RANBP2: variants seen among roughly 807,000 people sequenced by gnomAD.
RANBP2 encodes E3 SUMO-protein ligase RanBP2.
A neutral mutation model predicts 303.6 loss-of-function variants in RANBP2; 57 were observed. The observed-to-expected ratio is 0.19, with a 90% CI of 0.15 to 0.23. The LOEUF (loss-of-function observed/expected upper bound fraction) is 0.23. Ranked by LOEUF, RANBP2 falls within the 10% of genes least tolerant of loss-of-function variation. The pLI, the probability that RANBP2 is intolerant of heterozygous loss-of-function variation, is 1.00. For synonymous variants in RANBP2, 1,167 were observed against 1,301.5 expected (o/e 0.90, Z 2.23); for missense variants, 3,138 against 3,780.8 (o/e 0.83, Z 4.46).
chr2:109,508,791 T>G, the RANBP2 span, among the ~76,000 whole-genome samples: 1 of 152,024 alleles, frequency 6.6e-6, no homozygotes, highest in Admixed American at 6.5e-5. Context: ...GCACCCCAGA[T>G]AAGGCATGAA....
intron 6 of RANBP2, among the ~76,000 whole-genome samples, chr2:108,738,398 A>G (rs1410113891): frequency 1.3e-5 from 2 of 151,596 alleles, no homozygotes; most frequent in African/African-American, 4.9e-5. Flanking sequence ...TGACCTCTTG[A>G]TCCGTCTACC....
the RANBP2 span, among the ~76,000 whole-genome samples, chr2:109,085,784 T>TA: frequency 6.6e-6 from 1 of 151,924 alleles, no homozygotes; most frequent in Non-Finnish European, 1.5e-5. Flanking sequence ...TATTTTTTTT[T>TA]AGTAGAGACA....
intron 25 of RANBP2, among the ~76,000 whole-genome samples, chr2:108,778,413 C>T (rs1678026464): frequency 6.6e-6 from 1 of 152,144 alleles, no homozygotes; most frequent in African/African-American, 2.4e-5. Flanking sequence ...TTGTTTGTAT[C>T]CACAGGTTTT....
chr2:108,840,457 G>A, the RANBP2 span, among the ~76,000 whole-genome samples: 2 of 152,124 alleles, frequency 1.3e-5, no homozygotes, highest in Admixed American at 6.6e-5. Context: ...CTATGTGGAT[G>A]AGATTTCTTT....
chr2:108,894,677 G>C, the RANBP2 span: 1 of 152,478 alleles, frequency 6.6e-6, no homozygotes, highest in Non-Finnish European at 1.5e-5. Flanking sequence ...TGGTCAGTGA[G>C]AATTATTATG....
chr2:109,211,900 C>T, the RANBP2 span, among the ~76,000 whole-genome samples: 1 of 152,212 alleles, frequency 6.6e-6, no homozygotes, highest in Non-Finnish European at 1.5e-5. Context: ...TCCTCGGCCT[C>T]CCAAAGTGCT....
chr2:109,027,259 A>AAC, the RANBP2 span, among the ~76,000 whole-genome samples: 1 of 151,302 alleles, frequency 6.6e-6, no homozygotes, highest in African/African-American at 2.4e-5. Context: ...AAAAAAAAAA[A>AAC]AAAAACAAGG....
At chr2:109,372,435 C>T in the RANBP2 span, among the ~76,000 whole-genome samples, 2 of 152,216 alleles carry the variant, frequency 1.3e-5, no homozygotes, top group South Asian at 4.1e-4. Context: ...TGCTTTCATG[C>T]TGTAACCACC....
chr2:108,919,264 C>T, the RANBP2 span, among the ~76,000 whole-genome samples: 3 of 152,238 alleles, frequency 2.0e-5, no homozygotes, highest in African/African-American at 7.2e-5. Context: ...AAAGGCCAGC[C>T]TGCTCTGGAT....
chr2:108,925,231 TTGTC>T, the RANBP2 span, among the ~76,000 whole-genome samples: 3 of 152,222 alleles, frequency 2.0e-5, no homozygotes, highest in African/African-American at 7.2e-5. Context: ...GGAAGGATGA[TTGTC>T]TGTAAACATT....
the RANBP2 span, among the ~76,000 whole-genome samples, chr2:109,473,728 C>T: frequency 6.7e-6 from 1 of 149,316 alleles, no homozygotes; most frequent in Admixed American, 6.7e-5. Flanking sequence ...CCCACCCACC[C>T]CACCCACTCC....
the RANBP2 span, among the ~76,000 whole-genome samples, chr2:109,422,788 C>T: frequency 6.6e-6 from 1 of 152,180 alleles, no homozygotes; most frequent in South Asian, 2.1e-4. Flanking sequence ...TTGATTCTCA[C>T]CTCCACTTCT....
the RANBP2 span, among the ~76,000 whole-genome samples, chr2:109,576,271 T>C: frequency 0.065 from 9,795 of 149,930 alleles, 750 homozygotes; most frequent in East Asian, 0.24. Context: ...ATGAATTAAA[T>C]ATATATATAT....
the RANBP2 span, chr2:108,883,958 C>T: frequency 6.6e-6 from 1 of 151,960 alleles, no homozygotes; most frequent in Non-Finnish European, 1.5e-5. Context: ...CTCACAGGTT[C>T]CTAGGCTGGA....
At chr2:109,705,182 A>G in the RANBP2 span, among the ~76,000 whole-genome samples, 12 of 151,836 alleles carry the variant, frequency 7.9e-5, no homozygotes. Flanking sequence ...AGGCGGGCGG[A>G]TCCCCTGAGT....
chr2:109,080,366 G>A, the RANBP2 span, among the ~76,000 whole-genome samples: 4 of 152,168 alleles, frequency 2.6e-5, no homozygotes, highest in Admixed American at 2.0e-4. Context: ...GTGGGATGCA[G>A]AAGGACTGGA....
the RANBP2 span, among the ~76,000 whole-genome samples, chr2:109,464,268 A>G: frequency 2.6e-5 from 4 of 152,352 alleles, no homozygotes; most frequent in East Asian, 7.7e-4. Context: ...ACATCCACAC[A>G]CAAATATACA....
chr2:109,600,045 GC>G, the RANBP2 span, among the ~76,000 whole-genome samples: 1 of 152,168 alleles, frequency 6.6e-6, no homozygotes, highest in South Asian at 2.1e-4. Context: ...CACCTGTAGA[GC>G]CTTTGGAATC....
chr2:109,400,423 C>G, the RANBP2 span, among the ~76,000 whole-genome samples: 1 of 152,188 alleles, frequency 6.6e-6, no homozygotes, highest in Admixed American at 6.5e-5. Flanking sequence ...CACCTGTGCA[C>G]ATATGTGCAC....
Sources: gnomAD v4.1 joint callset for allele counts (sites outside exome capture counted in the v4.1 genomes callset) on GRCh38, gnomAD v4.1.1 for gene constraint, MANE v1.5 for transcripts, NCBI Gene and HGNC (gene_info 2026-07-23, HGNC 2026-07-21) for gene names.